GABRG3: variants seen among roughly 807,000 people sequenced by gnomAD.
GABRG3 encodes the protein gamma-aminobutyric acid receptor subunit gamma-3.
In GABRG3, 25 loss-of-function variants were observed where a neutral mutation model predicts 48.8. That is an observed-to-expected ratio of 0.51 (90% CI 0.37 to 0.72). The LOEUF is 0.72. Among genes scored for constraint, GABRG3 ranks in the 30% least tolerant of loss-of-function variants. GABRG3 has a pLI of 0.00. For synonymous variants in GABRG3, 227 were observed against 217.6 expected, an observed-to-expected ratio of 1.04 and a Z score of -0.38; for missense variants, 394 against 577.9, an observed-to-expected ratio of 0.68 and a Z score of 3.26.
At chr15:27,207,636 A>G (rs2140432683) in intron 3 of GABRG3, among the ~76,000 whole-genome samples, 1 of 152,326 alleles carries the variant, frequency 6.6e-6, no homozygotes, top group South Asian at 2.1e-4. Context: ...CAGCACGTGG[A>G]AACTGTGGGG....
At chr15:27,018,246 C>T (rs919470209) in intron 2 of GABRG3, among the ~76,000 whole-genome samples, 1 of 152,144 alleles carries the variant, frequency 6.6e-6, no homozygotes, top group African/African-American at 2.4e-5. Context: ...TGGCAGATGC[C>T]TTCCTCAATT....
At chr15:27,377,962 C>G (rs1895650553) in intron 5 of GABRG3, among the ~76,000 whole-genome samples, 1 of 152,156 alleles carries the variant, frequency 6.6e-6, no homozygotes, top group African/African-American at 2.4e-5. Context: ...AGTGAGTGAT[C>G]ATACAGCTCT....
intron 3 of GABRG3, among the ~76,000 whole-genome samples, chr15:27,194,737 G>T (rs563282078): frequency 1.4e-4 from 21 of 152,116 alleles, no homozygotes; most frequent in African/African-American, 4.8e-4. Context: ...ATTTTGTTGG[G>T]TTTATTTTAC....
intron 3 of GABRG3, among the ~76,000 whole-genome samples, chr15:27,190,693 A>AT (rs1386305178): frequency 6.6e-6 from 1 of 151,958 alleles, no homozygotes; most frequent in Non-Finnish European, 1.5e-5. Flanking sequence ...GGATTCATTA[A>AT]TTTTTTGAAG....
chr15:27,397,802 A>AT (rs10562407), intron 5 of GABRG3, among the ~76,000 whole-genome samples: 2,758 of 122,270 alleles, frequency 0.023, 42 homozygotes, highest in Admixed American at 0.031. Context: ...TCTCTGAAAA[A>AT]TTTTTTTTTT....
intron 3 of GABRG3, among the ~76,000 whole-genome samples, chr15:27,186,199 AGGGTC>A (rs1240692500): frequency 4.6e-5 from 7 of 152,060 alleles, no homozygotes; most frequent in Non-Finnish European, 1.0e-4. Context: ...AGTAGTCCCC[AGGGTC>A]TATTGACCCC....
intron 3 of GABRG3, among the ~76,000 whole-genome samples, chr15:27,072,106 CCAATCATGCTTTCGTAATGA>C (rs1896838194): frequency 6.6e-6 from 1 of 152,190 alleles, no homozygotes; most frequent in South Asian, 2.1e-4. Context: ...TACCCCACCT[CCAATCATGCTTTCGTAATGA>C]CAGCTTCCTT....
chr15:27,199,809 G>A (rs952830293), intron 3 of GABRG3, among the ~76,000 whole-genome samples: 24 of 152,086 alleles, frequency 1.6e-4, no homozygotes, highest in African/African-American at 5.8e-4. Flanking sequence ...AATGCAAAAT[G>A]GACTAAGAAA....
At chr15:27,302,980 T>C (rs1469146361) in intron 3 of GABRG3, among the ~76,000 whole-genome samples, 1 of 151,828 alleles carries the variant, frequency 6.6e-6, no homozygotes, top group Non-Finnish European at 1.5e-5. Context: ...GCTAAAAGAC[T>C]GCTTAGAGAG....
At chr15:26,986,065 C>A (rs1429081782) in intron 2 of GABRG3, among the ~76,000 whole-genome samples, 1 of 152,118 alleles carries the variant, frequency 6.6e-6, no homozygotes, top group Admixed American at 6.6e-5. Flanking sequence ...TCAAACCAAC[C>A]TTTTCCTTCT....
In GABRG3 at chr15:27,409,384, TA is replaced by T. The variant is rs963590489; in HGVS notation, c.575-71255del. 9.3e-4 allele frequency among the ~76,000 whole-genome samples: 138 copies of T among 148,048 alleles called. 1 individual carries two copies. The highest frequency in any genetic ancestry group is 7.0e-3 in the Middle Eastern group (2 of 284). On this transcript the variant is annotated intron_variant, in intron 5 of 9. Transcript: ENST00000615808. ...CCATTGACTTGGTTTTGCTCCTTTG[TA>T]AAAAAAAAAATCGCTTAGACATATT...
chr15:27,027,440 C>T (rs1232274098), intron 3 of GABRG3, among the ~76,000 whole-genome samples: 1 of 152,206 alleles, frequency 6.6e-6, no homozygotes, highest in East Asian at 1.9e-4. Flanking sequence ...CCCCCGCCTG[C>T]GGAGGTCCTG....
chr15:27,065,591 A>G (rs929061403), intron 3 of GABRG3, among the ~76,000 whole-genome samples: 6 of 152,028 alleles, frequency 3.9e-5, no homozygotes, highest in Non-Finnish European at 7.4e-5. Flanking sequence ...TGTGGAGTCA[A>G]CTCCAGTAAT....
At chr15:27,459,428 A>G (rs1316098179) in intron 5 of GABRG3, among the ~76,000 whole-genome samples, 3 of 152,242 alleles carry the variant, frequency 2.0e-5, no homozygotes, top group Non-Finnish European at 4.4e-5. Context: ...TAAAGGCAAA[A>G]TGAAACTGGG....
chr15:27,085,104 A>G (rs1001091236), intron 3 of GABRG3, among the ~76,000 whole-genome samples: 7 of 152,230 alleles, frequency 4.6e-5, no homozygotes, highest in African/African-American at 1.7e-4. Context: ...CATGCACCAC[A>G]TAAGAGGGCA....
chr15:27,288,871 G>A (rs888161251), intron 3 of GABRG3, among the ~76,000 whole-genome samples: 1 of 152,152 alleles, frequency 6.6e-6, no homozygotes, highest in Non-Finnish European at 1.5e-5. Flanking sequence ...CAAGTCTCTT[G>A]GCAATGAATT....
At chr15:27,514,993 C>T (rs1595804439) in intron 6 of GABRG3, among the ~76,000 whole-genome samples, 1 of 152,238 alleles carries the variant, frequency 6.6e-6, no homozygotes, top group East Asian at 1.9e-4. Flanking sequence ...AACAAATTCT[C>T]AAGAATGACA....
intron 5 of GABRG3, among the ~76,000 whole-genome samples, chr15:27,387,943 GGAAA>G (rs1293677766): frequency 1.4e-5 from 1 of 70,208 alleles, no homozygotes; most frequent in African/African-American, 5.3e-5. Flanking sequence ...AGGGAAGGAG[GGAAA>G]GAGGGAGGGA....
At chr15:27,478,100 G>A (rs1290730565) in intron 5 of GABRG3, among the ~76,000 whole-genome samples, 2 of 151,452 alleles carry the variant, frequency 1.3e-5, no homozygotes, top group East Asian at 1.9e-4. Flanking sequence ...AGATGGATGC[G>A]CCATTGCGAA....
Sources: allele counts gnomAD v4.1 joint callset (sites outside exome capture counted in the v4.1 genomes callset), GRCh38; gene constraint gnomAD v4.1.1; transcripts MANE v1.5; gene names NCBI Gene and HGNC (gene_info 2026-07-23, HGNC 2026-07-21).